The following MAP3K19 variants were observed in gnomAD, a reference collection of about 807,000 sequenced individuals.
MAP3K19 encodes the protein mitogen-activated protein kinase kinase kinase 19, also known as SPS1/STE20-related protein kinase YSK4.
Under a neutral mutation model 114.4 loss-of-function variants are expected in MAP3K19, and 91 were observed. The ratio of observed to expected loss-of-function variants is 0.80; its 90% CI spans 0.67 to 0.95. The LOEUF is 0.95. Among genes scored for constraint, MAP3K19 ranks in the 40% least tolerant of loss-of-function variants. MAP3K19 has a pLI of 0.00. For missense variants in MAP3K19, 1,471 were observed against 1,573.2 expected, an observed-to-expected ratio of 0.94 and a Z score of 1.10; for synonymous variants, 518 against 530.5, an observed-to-expected ratio of 0.98 and a Z score of 0.32.
intron 12 of MAP3K19, among the ~76,000 whole-genome samples, chr2:134,968,750 T>G (rs1417633039): frequency 9.5e-5 from 11 of 116,134 alleles, no homozygotes; most frequent in East Asian, 2.7e-4. Context: ...TCTCAGACGA[T>G]GGGCGGCCGG....
intron 12 of MAP3K19, among the ~76,000 whole-genome samples, chr2:134,966,380 T>C (rs942886171): frequency 6.6e-6 from 1 of 151,566 alleles, no homozygotes; most frequent in Non-Finnish European, 1.5e-5. Context: ...TGAGTTTCCT[T>C]ATCTACACAT....
intron 3 of MAP3K19, among the ~76,000 whole-genome samples, chr2:135,027,645 AG>A (rs1688291820): frequency 6.6e-6 from 1 of 152,232 alleles, no homozygotes; most frequent in African/African-American, 2.4e-5. Context: ...AGAGGGGTCA[AG>A]CCATGTTGGT....
At chr2:135,032,415 A>T (rs531551839) in intron 2 of MAP3K19, among the ~76,000 whole-genome samples, 1 of 151,480 alleles carries the variant, frequency 6.6e-6, no homozygotes, top group African/African-American at 2.4e-5. Flanking sequence ...TCAAATGATT[A>T]AACATAGAAC....
chr2:134,998,354 A>G (rs989370342), intron 8 of MAP3K19, among the ~76,000 whole-genome samples: 1 of 152,212 alleles, frequency 6.6e-6, no homozygotes, highest in African/African-American at 2.4e-5. Context: ...CATAGTGCAA[A>G]TCAGTAGGAT....
rs1688762172 is a variant in MAP3K19, at chr2:135,047,298, C to T, written c.-537G>A. 1 of 152,180 alleles carries T rather than the reference C, an allele frequency of 6.6e-6. No individual in the cohort carries two copies. Among genetic ancestry groups the T allele is most frequent in the South Asian group, 2.1e-4 (1 of 4,826 alleles). 9.4% of individuals were successfully genotyped at this position (152,180 alleles called of 1,614,324 possible). On this transcript the variant is annotated 5_prime_UTR_variant, in exon 1 of 13. The change creates a premature stop within an existing upstream ORF in the 5' untranslated region. Transcript: ENST00000392915. The stretch of plus-strand genomic sequence containing the variant: ...ACTGATTTCTGGGACAGCTGTAACC[C>T]ACACTTCAACCAGGGATCCATTTAA...
chr2:135,024,596 A>AAAT (rs1688182655), intron 4 of MAP3K19, 30 bp downstream of exon 4: 1 of 1,606,282 alleles, frequency 6.2e-7, no homozygotes, highest in African/African-American at 1.3e-5. Flanking sequence ...TTGGGTTGGG[A>AAAT]AATTATGCAT....
intron 12 of MAP3K19, among the ~76,000 whole-genome samples, chr2:134,977,172 G>A (rs1038308041): frequency 8.9e-5 from 13 of 146,792 alleles, no homozygotes; most frequent in African/African-American, 3.3e-4. Flanking sequence ...AGCTACCACC[G>A]CTCCCCCACC....
In MAP3K19 at chr2:134,998,757, C is replaced by T. The variant is rs753283909; in HGVS notation, c.555G>A (p.Glu185=). 1 of 1,599,256 alleles carries T rather than the reference C, an allele frequency of 6.3e-7. No homozygotes were observed. Among genetic ancestry groups the T allele is most frequent in the Non-Finnish European group, 8.5e-7 (1 of 1,172,472 alleles). The stretch of plus-strand genomic sequence containing the variant: ...ACTTACCTTCAGATTTTCTTTGCTG[C>T]TCCTTCAGAAAATGAGGAGCATCTT... ...TREDAPHFLK[E]QQRKSEEFST... Residue 185 remains glutamate, a synonymous_variant, in exon 8 of 13, where the codon GAG becomes GAA. Coordinates refer to ENST00000392915, the MANE Select transcript of MAP3K19 (RefSeq NM_025052.5).
At chr2:135,012,652 G>T (rs1687310314) in intron 5 of MAP3K19, among the ~76,000 whole-genome samples, 1 of 151,834 alleles carries the variant, frequency 6.6e-6, no homozygotes, top group Non-Finnish European at 1.5e-5. Flanking sequence ...CAAACTTTTA[G>T]CTGTTTCTTT....
chr2:134,979,384 G>A (rs1684458496), intron 12 of MAP3K19, among the ~76,000 whole-genome samples: 1 of 151,752 alleles, frequency 6.6e-6, no homozygotes, highest in South Asian at 2.1e-4. Flanking sequence ...AGTTTATGAA[G>A]CAACGGTTCA....
rs562317931 is a variant in MAP3K19 at position 135,012,944 on chromosome 2, C to CTTG, written c.139-7416_139-7414dup. 2.2e-4 allele frequency among the ~76,000 whole-genome samples: 33 copies of CTTG among 151,714 alleles called. No individual in the cohort carries two copies. In the South Asian group the frequency reaches 5.8e-3, roughly 27 times the overall value. On this transcript the variant is annotated intron_variant, in intron 5 of 12. Coordinates refer to ENST00000392915, the MANE Select transcript of MAP3K19 (RefSeq NM_025052.5). ...ATTTTCCAGAACAAACCCCCAAACC[C>CTTG]TTGTTTGTTTGTTTGTTTGTTTGTA...
At chr2:134,969,618 A>G (rs6716446) in intron 12 of MAP3K19, among the ~76,000 whole-genome samples, 60,101 of 151,992 alleles carry the variant, frequency 0.4, 13,505 homozygotes, top group East Asian at 0.76. Flanking sequence ...GTCTCTTCAC[A>G]CTGTGCTTTC....
chr2:134,972,436 G>A (rs569823379), intron 12 of MAP3K19, among the ~76,000 whole-genome samples: 8 of 151,738 alleles, frequency 5.3e-5, no homozygotes, highest in Non-Finnish European at 1.0e-4. Context: ...GGTTTGGTTT[G>A]TTCCCTTTTT....
At chr2:135,007,516 C>T (rs559860112) in intron 5 of MAP3K19, among the ~76,000 whole-genome samples, 2 of 152,144 alleles carry the variant, frequency 1.3e-5, no homozygotes, top group South Asian at 2.1e-4. Context: ...CTAGTTCTTA[C>T]TCTTTCTTTT....
chr2:135,042,415 T>A (rs1221073590), intron 1 of MAP3K19, among the ~76,000 whole-genome samples: 2 of 145,228 alleles, frequency 1.4e-5, no homozygotes, highest in Non-Finnish European at 3.0e-5. Context: ...GGCAGGAGAA[T>A]GGCGTGAACC....
Position 134,986,623 on chromosome 2 carries a change from T to C in MAP3K19, c.2249A>G (p.His750Arg). ...ATTTTCAATGTCATGTAGGTTGCTA[T>C]GTACAGCCTTGGAACTCTTTTCTTT... ...ISKEKSSKAVHSNLHDIENGD... is the reference protein window; with the variant it reads ...ISKEKSSKAVRSNLHDIENGD... The change falls in exon 10 of 13, where the codon CAT becomes CGT. Residue 750 changes from histidine (H) to arginine (R), a missense_variant. His to Arg is a conservative substitution (Grantham distance 29). Coordinates refer to ENST00000392915, the MANE Select transcript of MAP3K19 (RefSeq NM_025052.5). The C allele has an allele frequency of 6.2e-7, 1 of 1,614,232 alleles. No homozygotes were observed.
At chr2:135,013,579 A>T (rs1364272630) in intron 5 of MAP3K19, among the ~76,000 whole-genome samples, 1 of 150,784 alleles carries the variant, frequency 6.6e-6, no homozygotes, top group African/African-American at 2.4e-5. Context: ...TGCTCTGCCT[A>T]TTCATCCTTC....
rs780953721 is a variant in MAP3K19 at position 134,987,990 on chromosome 2, C to T, written c.882G>A (p.Lys294=). 6.2e-7 allele frequency: 1 copy of T among 1,614,140 alleles called. No individual in the cohort carries two copies. The stretch of plus-strand genomic sequence containing the variant: ...CCAGGCATTGCCTGTGATGGTTAGT[C>T]TTAGGAAAAGAGCACATGTTTCTTG... ...IWSRNMCSFP[K]TNHHRQCLEK... is the part of the protein sequence containing the mutation. The change falls in exon 10 of 13, where the codon AAG becomes AAA. Residue 294 remains lysine (K), a synonymous_variant. Transcript: ENST00000392915.
chr2:134,982,352 C>CTTTTTTTT (rs10707203), intron 11 of MAP3K19, among the ~76,000 whole-genome samples: 2 of 99,986 alleles, frequency 2.0e-5, no homozygotes, highest in Non-Finnish European at 2.2e-5. Context: ...AGATTTTTTT[C>CTTTTTTTT]TTTTTTTTTT....
Sources: gnomAD v4.1 joint callset for allele counts (sites outside exome capture counted in the v4.1 genomes callset) on GRCh38, gnomAD v4.1.1 for gene constraint, MANE v1.5 for transcripts, NCBI Gene and HGNC (gene_info 2026-07-23, HGNC 2026-07-21) for gene names.